TPPP3: variants seen among roughly 807,000 people sequenced by gnomAD.
The protein encoded by TPPP3 is tubulin polymerization-promoting protein family member 3.
Under a neutral mutation model 13.1 loss-of-function variants are expected in TPPP3, and 7 were observed. That is an observed-to-expected ratio of 0.54 (90% confidence interval 0.30 to 1.01). The LOEUF (loss-of-function observed/expected upper bound fraction) is 1.01. Ranked by LOEUF, TPPP3 falls within the 50% of genes least tolerant of loss-of-function variation. TPPP3 has a pLI of 0.06. For synonymous variants in TPPP3, 87 were observed against 93.7 expected (o/e 0.93, Z 0.41); for missense variants, 185 against 235.0 (o/e 0.79, Z 1.39).
In TPPP3 at chr16:67,390,573, G is replaced by T; in HGVS notation, c.248C>A (p.Ala83Glu). The change falls in exon 3 of 4, where the codon GCG (alanine) becomes GAG (glutamate). Residue 83 changes from alanine (A) to glutamate (E), a missense_variant. Ala to Glu is a moderately radical substitution (Grantham distance 107). Coordinates refer to ENST00000393957, the MANE Select transcript of TPPP3 (RefSeq NM_015964.4). The surrounding 1 kb of genome is among the most constrained non-coding windows in gnomAD (Gnocchi z 6.4). ...GCTCTTCCCCTTGAATCTCTTGGTCGCCAGCTCTTCCAGGGCCTTCTTGAA... is the reference window on the plus strand; with the variant it reads ...GCTCTTCCCCTTGAATCTCTTGGTCTCCAGCTCTTCCAGGGCCTTCTTGAA... Reference protein sequence around the residue: ...EEFKKALEELATKRFKGKSKE... With the variant: ...EEFKKALEELETKRFKGKSKE... The T allele has an allele frequency of 6.2e-7, 1 of 1,613,944 alleles. No individual in the cohort carries two copies. Among genetic ancestry groups the T allele is most frequent in the Non-Finnish European group, 8.5e-7 (1 of 1,180,022 alleles).
Position 67,393,004 on chromosome 16 carries a change from A to G in TPPP3, c.-7+376T>C. 8 of 985,468 alleles carry G rather than the reference A, an allele frequency of 8.1e-6. No homozygotes were observed. The highest frequency in any genetic ancestry group is 9.6e-6 in the Non-Finnish European group (8 of 829,962). 61.0% of individuals were successfully genotyped at this position (985,468 alleles called of 1,614,324 possible). A position where few individuals can be genotyped will look rare whatever the true frequency, so the allele number is the denominator to read the frequency against. ...TGGATGCCACAGGGTGCTTGGCCCA[A>G]GCACTGGGCGGATCCTGCGTGCAGT... On this transcript the variant is annotated intron_variant, in intron 1 of 3. Transcript: ENST00000393957. The surrounding 1 kb of genome is among the most constrained non-coding windows in gnomAD (Gnocchi z 5.4).
chr16:67,392,160 C>T lies in TPPP3; in HGVS notation c.-6-1043G>A, dbSNP rs1265635664. Among the ~76,000 whole-genome samples the T allele has an allele frequency of 6.6e-6, 1 of 151,888 alleles. No individual in the cohort carries two copies. Among genetic ancestry groups the T allele is most frequent in the East Asian group, 1.9e-4 (1 of 5,198 alleles). On this transcript the variant is annotated intron_variant, in intron 1 of 3. Coordinates refer to ENST00000393957, the MANE Select transcript of TPPP3 (RefSeq NM_015964.4). The surrounding 1 kb of genome is among the most constrained non-coding windows in gnomAD (Gnocchi z 4.9). ...CTGTGCACTCAGCCCTGGCCTGCCA[C>T]CCCCTGGGCCTTGTACCCCTGGCCA...
In TPPP3 at chr16:67,391,053, T is replaced by C. The variant is rs748527389; in HGVS notation, c.59A>G (p.His20Arg). The change falls in exon 2 of 4, where the codon CAT becomes CGT. Residue 20 changes from histidine to arginine, a missense_variant. By Grantham distance (29) the His-to-Arg change is conservative. Coordinates refer to ENST00000393957, the MANE Select transcript of TPPP3 (RefSeq NM_015964.4). This position sits in a 1 kb window ranked among gnomAD's most constrained non-coding sequence, Gnocchi z 6.3. ...TTGCCCACTGGCCTTGGGGTCACCA[T>C]GGATGGCAAACTTGCGGAAGCTCTC... ...LEESFRKFAI[H>R]GDPKASGQEM... 1 of 1,614,236 alleles carries C rather than the reference T, an allele frequency of 6.2e-7. No homozygotes were observed. The highest frequency in any genetic ancestry group is 1.1e-5 in the South Asian group (1 of 91,084).
chr16:67,390,422 C>T lies in TPPP3; in HGVS notation c.342+57G>A. ...GAGGGAGCCCAGCCCTTCCCACCCA[C>T]AGCCACGATTCCCCACACCCCATTC... On this transcript the variant is annotated intron_variant, in intron 3 of 3. Transcript: ENST00000393957. This position sits in a 1 kb window ranked among gnomAD's most constrained non-coding sequence, Gnocchi z 6.4. 6.2e-7 allele frequency: 1 copy of T among 1,607,034 alleles called. No individual in the cohort carries two copies. Among genetic ancestry groups the T allele is most frequent in the Non-Finnish European group, 8.5e-7 (1 of 1,174,862 alleles).
rs1368615761 is a variant in TPPP3 at position 67,390,743 on chromosome 16, C to A, written c.189-111G>T. 1.8e-5 allele frequency: 27 copies of A among 1,503,350 alleles called. No individual in the cohort carries two copies. The highest frequency in any genetic ancestry group is 2.4e-5 in the Non-Finnish European group (27 of 1,124,402). The allele number at this position is 1,503,350 out of a possible 1,614,324, so 93.1% of individuals were successfully genotyped here. On this transcript the variant is annotated intron_variant, in intron 2 of 3. Coordinates refer to ENST00000393957, the MANE Select transcript of TPPP3 (RefSeq NM_015964.4). This position sits in a 1 kb window ranked among gnomAD's most constrained non-coding sequence, Gnocchi z 6.4. ...ATTATGCAATTGCGTTTCTTTCCCACGTTTGGGGAAGTCGCAGGGGTCAGC... is the reference window on the plus strand; with the variant it reads ...ATTATGCAATTGCGTTTCTTTCCCAAGTTTGGGGAAGTCGCAGGGGTCAGC...
In TPPP3 at chr16:67,390,986, G is replaced by A. The variant is rs2142209898; in HGVS notation, c.126C>T (p.Cys42=). The change falls in exon 2 of 4, where the codon TGC becomes TGT. Residue 42 remains cysteine (C), a synonymous_variant. Coordinates refer to ENST00000393957, the MANE Select transcript of TPPP3 (RefSeq NM_015964.4). The surrounding 1 kb of genome is among the most constrained non-coding windows in gnomAD (Gnocchi z 6.4). ...GKNWAKLCKD[C]KVADGKSVTG... Reference sequence around the variant, plus strand: ...TCACGGACTTTCCGTCAGCCACCTTGCAGTCCTTGCACAGCTTGGCCCAGT... The same window carrying A: ...TCACGGACTTTCCGTCAGCCACCTTACAGTCCTTGCACAGCTTGGCCCAGT... The A allele has an allele frequency of 6.2e-7, 1 of 1,614,212 alleles. No homozygotes were observed.
rs1376219221 is a variant in TPPP3 at position 67,390,415 on chromosome 16, C to T, written c.343-53G>A. 15 of 1,606,912 alleles carry T rather than the reference C, an allele frequency of 9.3e-6. No homozygotes were observed. Among genetic ancestry groups the T allele is most frequent in the Admixed American group, 3.3e-5 (2 of 59,802 alleles). ...ACCTGATGAGGGAGCCCAGCCCTTC[C>T]CACCCACAGCCACGATTCCCCACAC... is the stretch of plus-strand genomic sequence containing the variant. On this transcript the variant is annotated intron_variant, in intron 3 of 3. Transcript: ENST00000393957. This position sits in a 1 kb window ranked among gnomAD's most constrained non-coding sequence, Gnocchi z 6.4.
chr16:67,390,700 C>A lies in TPPP3; in HGVS notation c.189-68G>T. The A allele has an allele frequency of 6.5e-7, 1 of 1,545,270 alleles. No homozygotes were observed. The highest frequency in any genetic ancestry group is 2.0e-5 in the Admixed American group (1 of 48,970). On this transcript the variant is annotated intron_variant, in intron 2 of 3. Coordinates refer to ENST00000393957, the MANE Select transcript of TPPP3 (RefSeq NM_015964.4). This position sits in a 1 kb window ranked among gnomAD's most constrained non-coding sequence, Gnocchi z 6.4. ...TCTCCCCCAGGGGAAAGCTCAAACA[C>A]ATTTGCTGCCACCACAAATTATGCA... is the stretch of plus-strand genomic sequence containing the variant.
At position 67,391,394 on chromosome 16, in the gene TPPP3, G is replaced by A; in HGVS notation, c.-6-277C>T. 2.3e-6 allele frequency: 1 copy of A among 430,298 alleles called. No individual in the cohort carries two copies. The highest frequency in any genetic ancestry group is 4.2e-6 in the Non-Finnish European group (1 of 236,056). The allele number at this position is 430,298 out of a possible 1,614,324, so 26.7% of individuals were successfully genotyped here. Reference sequence around the variant, plus strand: ...TAATGATGCCCACAGGGAACAGAGTGGCACTGTCCAGAAAGACTGTTAGGG... The same window carrying A: ...TAATGATGCCCACAGGGAACAGAGTAGCACTGTCCAGAAAGACTGTTAGGG... On this transcript the variant is annotated intron_variant, in intron 1 of 3. Coordinates refer to ENST00000393957, the MANE Select transcript of TPPP3 (RefSeq NM_015964.4). This position sits in a 1 kb window ranked among gnomAD's most constrained non-coding sequence, Gnocchi z 6.3.
chr16:67,389,855 C>T lies in TPPP3; in HGVS notation c.*319G>A, dbSNP rs1211530711. ...TTGAGGTCTGGGTTAAAATTAGGCA[C>T]TTGGCCAGAGCAGCAGCTTAAATAT... On this transcript the variant is annotated 3_prime_UTR_variant, in exon 4 of 4. Transcript: ENST00000393957. 1.1e-5 allele frequency: 4 copies of T among 353,932 alleles called. No individual in the cohort carries two copies. The South Asian group carries it at 2.3e-4, about 20-fold the overall frequency. 21.9% of individuals were successfully genotyped at this position (353,932 alleles called of 1,614,324 possible).
At position 67,389,994 on chromosome 16, in the gene TPPP3, G is replaced by A. The variant is rs2040304778; in HGVS notation, c.*180C>T. 11 of 622,702 alleles carry A rather than the reference G, an allele frequency of 1.8e-5. No individual in the cohort carries two copies. The highest frequency in any genetic ancestry group is 1.6e-4 in the South Asian group (8 of 48,652). The allele number at this position is 622,702 out of a possible 1,614,324, so 38.6% of individuals were successfully genotyped here. On this transcript the variant is annotated 3_prime_UTR_variant, in exon 4 of 4. Coordinates refer to ENST00000393957, the MANE Select transcript of TPPP3 (RefSeq NM_015964.4). ...TGGAGCAGGAAGAGGAGGAGGAAGGGGCCGCAGAGCAGCCTGGGTCAGAGG... is the reference window on the plus strand; with the variant it reads ...TGGAGCAGGAAGAGGAGGAGGAAGGAGCCGCAGAGCAGCCTGGGTCAGAGG...
In TPPP3 at chr16:67,393,103, C is replaced by A. The variant is rs1162143071; in HGVS notation, c.-7+277G>T. 3.3e-6 allele frequency: 3 copies of A among 902,586 alleles called. No homozygotes were observed. In the African/African-American group the frequency reaches 5.4e-5, roughly 16 times the overall value. 55.9% of individuals were successfully genotyped at this position (902,586 alleles called of 1,614,324 possible). Reference sequence around the variant, plus strand: ...TCAGGTGGCGCTGGGTTGCAGGCCGCAGCCCCATGGGTCTGCAGGCCATGG... The same window carrying A: ...TCAGGTGGCGCTGGGTTGCAGGCCGAAGCCCCATGGGTCTGCAGGCCATGG... On this transcript the variant is annotated intron_variant, in intron 1 of 3. Coordinates refer to ENST00000393957, the MANE Select transcript of TPPP3 (RefSeq NM_015964.4). The surrounding 1 kb of genome is among the most constrained non-coding windows in gnomAD (Gnocchi z 5.4).
Position 67,391,462 on chromosome 16 carries a change from C to G in TPPP3, c.-6-345G>C. The G allele has an allele frequency of 4.3e-6, 1 of 234,838 alleles. No individual in the cohort carries two copies. 14.5% of individuals were successfully genotyped at this position (234,838 alleles called of 1,614,324 possible). ...GCTTTGTCTGGCCCTGGCACAAGGCCTTGCTTGGGTGGAAGTGAGGGTGGC... is the reference window on the plus strand; with the variant it reads ...GCTTTGTCTGGCCCTGGCACAAGGCGTTGCTTGGGTGGAAGTGAGGGTGGC... On this transcript the variant is annotated intron_variant, in intron 1 of 3. Transcript: ENST00000393957. This position sits in a 1 kb window ranked among gnomAD's most constrained non-coding sequence, Gnocchi z 6.3.
chr16:67,390,242 G>A lies in TPPP3; in HGVS notation c.463C>T (p.Leu155=). ...GCGCTCACGTAGCCACTGTCGTCCA[G>A]GATGTCCTGCCGTCCCGCAATGCCC... ...GKGIAGRQDI[L]DDSGYVSAYK... Residue 155 remains leucine (L), a synonymous_variant, in exon 4 of 4, where the codon CTG becomes TTG. Transcript: ENST00000393957. This position sits in a 1 kb window ranked among gnomAD's most constrained non-coding sequence, Gnocchi z 6.4. 1 of 1,614,254 alleles carries A rather than the reference G, an allele frequency of 6.2e-7. No individual in the cohort carries two copies. Among genetic ancestry groups the A allele is most frequent in the Non-Finnish European group, 8.5e-7 (1 of 1,180,042 alleles).
rs770994516 is a variant in TPPP3 at position 67,390,971 on chromosome 16, T to C, written c.141A>G (p.Gly47=). 8.5e-5 allele frequency: 138 copies of C among 1,614,104 alleles called. No homozygotes were observed. The highest frequency in any genetic ancestry group is 1.1e-4 in the Non-Finnish European group (133 of 1,180,046). Residue 47 remains glycine, a synonymous_variant, in exon 2 of 4, where the codon GGA becomes GGG. Transcript: ENST00000393957. The surrounding 1 kb of genome is among the most constrained non-coding windows in gnomAD (Gnocchi z 6.4). ...CCACATCGGTCCCTGTCACGGACTT[T>C]CCGTCAGCCACCTTGCAGTCCTTGC... ...KLCKDCKVAD[G]KSVTGTDVDI... is the part of the protein sequence containing the mutation.
At position 67,390,621 on chromosome 16, in the gene TPPP3, G is replaced by A; in HGVS notation, c.200C>T (p.Ala67Val). ...IVFSKVKGKS[A>V]RVINYEEFKK... ...GAACTCCTCATAGTTGATGACCCGA[G>A]CAGACTTCCCCCTGACAGGCATGTG... The change falls in exon 3 of 4, where the codon GCT becomes GTT. Residue 67 changes from alanine (A) to valine (V), a missense_variant. Physicochemically the swap from Ala to Val is moderately conservative, Grantham distance 64 (BLOSUM62 0). Transcript: ENST00000393957. The surrounding 1 kb of genome is among the most constrained non-coding windows in gnomAD (Gnocchi z 6.4). 6.2e-7 allele frequency: 1 copy of A among 1,612,976 alleles called. No individual in the cohort carries two copies. The highest frequency in any genetic ancestry group is 8.5e-7 in the Non-Finnish European group (1 of 1,179,862).
Position 67,390,883 on chromosome 16 carries a change from C to A in TPPP3, c.188+41G>T. 6.3e-7 allele frequency: 1 copy of A among 1,592,504 alleles called. No homozygotes were observed. The highest frequency in any genetic ancestry group is 8.6e-7 in the Non-Finnish European group (1 of 1,165,070). ...CTGGTTCCAGCCCCCCAGTTCCCCA[C>A]CTCCTGGGAACATGAGAAGCAGGGG... On this transcript the variant is annotated intron_variant, in intron 2 of 3. Transcript: ENST00000393957. The surrounding 1 kb of genome is among the most constrained non-coding windows in gnomAD (Gnocchi z 6.4).
At position 67,390,717 on chromosome 16, in the gene TPPP3, A is replaced by AGTGGGAGG. The variant is rs2040317155; in HGVS notation, c.189-86_189-85insCCTCCCAC. The stretch of plus-strand genomic sequence containing the variant: ...CTCAAACACATTTGCTGCCACCACA[A>AGTGGGAGG]ATTATGCAATTGCGTTTCTTTCCCA... On this transcript the variant is annotated intron_variant, in intron 2 of 3. Transcript: ENST00000393957. This position sits in a 1 kb window ranked among gnomAD's most constrained non-coding sequence, Gnocchi z 6.4. 1 of 1,527,356 alleles carries AGTGGGAGG rather than the reference A, an allele frequency of 6.5e-7. No homozygotes were observed. Among genetic ancestry groups the AGTGGGAGG allele is most frequent in the Admixed American group, 2.1e-5 (1 of 48,334 alleles). The allele number at this position is 1,527,356 out of a possible 1,614,324, so 94.6% of individuals were successfully genotyped here.
chr16:67,390,881 C>T lies in TPPP3; in HGVS notation c.188+43G>A, dbSNP rs1341279238. 3.1e-6 allele frequency: 5 copies of T among 1,588,090 alleles called. No homozygotes were observed. Among genetic ancestry groups the T allele is most frequent in the Admixed American group, 1.7e-5 (1 of 58,394 alleles). ...CCCTGGTTCCAGCCCCCCAGTTCCCCACCTCCTGGGAACATGAGAAGCAGG... is the reference window on the plus strand; with the variant it reads ...CCCTGGTTCCAGCCCCCCAGTTCCCTACCTCCTGGGAACATGAGAAGCAGG... On this transcript the variant is annotated intron_variant, in intron 2 of 3. Transcript: ENST00000393957. The surrounding 1 kb of genome is among the most constrained non-coding windows in gnomAD (Gnocchi z 6.4).
Sources: allele counts gnomAD v4.1 joint callset (sites outside exome capture counted in the v4.1 genomes callset), GRCh38; gene constraint gnomAD v4.1.1; non-coding constraint Gnocchi (gnomAD v3.1); transcripts MANE v1.5; gene names NCBI Gene and HGNC (gene_info 2026-07-23, HGNC 2026-07-21).